The following PACRGL variants were observed in gnomAD, a reference collection of about 807,000 sequenced individuals.
PACRGL encodes PACRG-like protein.
In PACRGL, 38 loss-of-function variants were observed where a neutral mutation model predicts 34.5. The observed-to-expected ratio is 1.10, with a 90% CI of 0.85 to 1.44. PACRGL has a LOEUF of 1.44. PACRGL is among the 40% of genes most tolerant of loss of function. PACRGL has a pLI of 0.00. For synonymous variants in PACRGL, 128 were observed against 100.1 expected (o/e 1.28, Z -1.66); for missense variants, 305 against 281.4 (o/e 1.08, Z -0.60).
At chr4:20,711,591 T>C (rs1356551939) in intron 5 of PACRGL, among the ~76,000 whole-genome samples, 1 of 146,402 alleles carries the variant, frequency 6.8e-6, no homozygotes, top group African/African-American at 2.5e-5. Flanking sequence ...AAGGACAAAT[T>C]ATTTGAAAAT....
intron 8 of PACRGL, 144 bp downstream of exon 8, chr4:20,725,032 A>C (rs1003506042): frequency 2.0e-6 from 1 of 501,770 alleles, no homozygotes; most frequent in Non-Finnish European, 3.2e-6. Flanking sequence ...TCCTTTTAGA[A>C]CTCAAGAGTT....
At chr4:20,758,266 GTTTTAA>G in the PACRGL span, among the ~76,000 whole-genome samples, 1 of 152,086 alleles carries the variant, frequency 6.6e-6, no homozygotes, top group South Asian at 2.1e-4. Context: ...ATCTAGGATG[GTTTTAA>G]TTTTCTCAGA....
At chr4:20,752,764 A>C (rs1393964575) in exon 9 of PACRGL, 2 of 152,244 alleles carry the variant, frequency 1.3e-5, no homozygotes, top group African/African-American at 4.8e-5. Flanking sequence ...AGAAAGAAGC[A>C]AAGGCAAAGG....
intron 8 of PACRGL, among the ~76,000 whole-genome samples, chr4:20,748,554 C>T (rs968977038): frequency 4.1e-5 from 4 of 98,176 alleles, no homozygotes; most frequent in African/African-American, 1.5e-4. Context: ...ATGCACCTTC[C>T]AAATTTTATA....
chr4:20,714,961 A>G (rs1739128699), intron 7 of PACRGL, among the ~76,000 whole-genome samples: 1 of 152,204 alleles, frequency 6.6e-6, no homozygotes, highest in Non-Finnish European at 1.5e-5. Context: ...GCTGCTATAA[A>G]GACACATGCA....
rs942367338 is a variant in PACRGL at position 20,728,554 on chromosome 4, T to TAAG, written c.*1215_*1217dup. ...GCTATCTGCCATCTAGAAAGTACTG[T>TAAG]AAGATTTAATTAATTACAAAATTTC... On this transcript the variant is annotated 3_prime_UTR_variant, in exon 9 of 9. Coordinates refer to ENST00000503585, the MANE Select transcript of PACRGL (RefSeq NM_001258345.3). 1 of 152,512 alleles carries TAAG rather than the reference T, an allele frequency of 6.6e-6. No homozygotes were observed. The highest frequency in any genetic ancestry group is 2.4e-5 in the African/African-American group (1 of 41,466). 9.4% of individuals were successfully genotyped at this position (152,512 alleles called of 1,614,324 possible).
At chr4:20,703,690 A>G (rs971190896) in intron 1 of PACRGL, among the ~76,000 whole-genome samples, 2 of 152,142 alleles carry the variant, frequency 1.3e-5, no homozygotes, top group African/African-American at 4.8e-5. Context: ...GCACCTCCAG[A>G]AAACCTTGAC....
chr4:20,711,457 T>C (rs1176365772), intron 5 of PACRGL, among the ~76,000 whole-genome samples: 1 of 152,172 alleles, frequency 6.6e-6, no homozygotes, highest in Non-Finnish European at 1.5e-5. Context: ...ATGAACAGGA[T>C]ACAGGACACT....
intron 7 of PACRGL, among the ~76,000 whole-genome samples, chr4:20,722,866 C>T (rs555292112): frequency 6.6e-6 from 1 of 152,158 alleles, no homozygotes; most frequent in Non-Finnish European, 1.5e-5. Flanking sequence ...TTAGATAGGA[C>T]CTCCCTGTCT....
intron 8 of PACRGL, among the ~76,000 whole-genome samples, chr4:20,740,034 A>C (rs1005681066): frequency 2.0e-5 from 3 of 152,214 alleles, no homozygotes; most frequent in Non-Finnish European, 4.4e-5. Context: ...CGAGAAGAGA[A>C]GTATAGAGAA....
chr4:20,728,120 T>C lies in PACRGL; in HGVS notation c.*779T>C, dbSNP rs566602537. 3.7e-4 allele frequency: 56 copies of C among 151,776 alleles called. No individual in the cohort carries two copies. The highest frequency in any genetic ancestry group is 1.3e-3 in the African/African-American group (53 of 41,550). The allele number at this position is 151,776 out of a possible 1,614,324, so 9.4% of individuals were successfully genotyped here. A position where few individuals can be genotyped will look rare whatever the true frequency, so the allele number is the denominator to read the frequency against. On this transcript the variant is annotated 3_prime_UTR_variant, in exon 9 of 9. Transcript: ENST00000503585. ...ACACTACTAATATTATTTGTAAATATGTATTTTATAATGTACAATGCTTGG... is the reference window on the plus strand; with the variant it reads ...ACACTACTAATATTATTTGTAAATACGTATTTTATAATGTACAATGCTTGG...
chr4:20,743,168 A>G (rs957186934), intron 8 of PACRGL, among the ~76,000 whole-genome samples: 2 of 152,210 alleles, frequency 1.3e-5, no homozygotes, highest in Admixed American at 1.3e-4. Context: ...GGAAGAATCC[A>G]TATCGTGAAC....
chr4:20,716,089 A>G, intron 7 of PACRGL: 1 of 1,519,250 alleles, frequency 6.6e-7, no homozygotes, highest in Non-Finnish European at 8.8e-7. Flanking sequence ...TTTAATCTTT[A>G]ATATAAATAT....
At chr4:20,701,607 T>A in intron 1 of PACRGL, 3 of 289,262 alleles carry the variant, frequency 1.0e-5, no homozygotes, top group South Asian at 1.0e-4. Flanking sequence ...AAGGATAAGA[T>A]TTTTAAAGCT....
At chr4:20,762,878 C>A in the PACRGL span, among the ~76,000 whole-genome samples, 1 of 152,226 alleles carries the variant, frequency 6.6e-6, no homozygotes, top group East Asian at 1.9e-4. Context: ...AGGTCAGCAT[C>A]CCTGGGAAGG....
At chr4:20,711,784 T>G (rs1048789224) in intron 5 of PACRGL, among the ~76,000 whole-genome samples, 6 of 152,132 alleles carry the variant, frequency 3.9e-5, no homozygotes, top group Non-Finnish European at 8.8e-5. Context: ...CTAATGCATT[T>G]AGGGTGAAAG....
intron 8 of PACRGL, among the ~76,000 whole-genome samples, chr4:20,738,328 G>A (rs1443196675): frequency 6.6e-6 from 1 of 152,152 alleles, no homozygotes; most frequent in African/African-American, 2.4e-5. Flanking sequence ...TGGCCACAGG[G>A]TCTTTGAAAA....
chr4:20,761,635 A>G, the PACRGL span, among the ~76,000 whole-genome samples: 2 of 152,176 alleles, frequency 1.3e-5, no homozygotes, highest in Non-Finnish European at 2.9e-5. Flanking sequence ...GTTGATGCTG[A>G]TAAAGGAAGA....
chr4:20,761,545 G>A, the PACRGL span, among the ~76,000 whole-genome samples: 1 of 152,276 alleles, frequency 6.6e-6, no homozygotes, highest in African/African-American at 2.4e-5. Context: ...ATAGTAAGGA[G>A]AGAGTAAATA....
Sources: allele counts gnomAD v4.1 joint callset (sites outside exome capture counted in the v4.1 genomes callset), GRCh38; gene constraint gnomAD v4.1.1; transcripts MANE v1.5; gene names NCBI Gene and HGNC (gene_info 2026-07-23, HGNC 2026-07-21).